CLEC9A: variants seen among roughly 807,000 people sequenced by gnomAD.
CLEC9A encodes the protein C-type lectin domain containing 9A.
In CLEC9A, 24 loss-of-function variants were observed where a neutral mutation model predicts 30.0. That is an observed-to-expected ratio of 0.80 (90% CI 0.58 to 1.13). The LOEUF (loss-of-function observed/expected upper bound fraction) is 1.13. Ranked by LOEUF, CLEC9A falls within the 50% of genes most tolerant of loss-of-function variation. CLEC9A has a pLI of 0.00. For missense variants in CLEC9A, 251 were observed against 280.9 expected (o/e 0.89, Z 0.76); for synonymous variants, 111 against 96.8 (o/e 1.15, Z -0.86).
intron 2 of CLEC9A, among the ~76,000 whole-genome samples, chr12:10,050,227 A>T (rs1284241688): frequency 6.6e-6 from 1 of 152,246 alleles, no homozygotes; most frequent in Non-Finnish European, 1.5e-5. Flanking sequence ...TAACAGTAAC[A>T]TCAAAGATCA....
Position 10,052,712 on chromosome 12 carries a change from T to C in CLEC9A, c.25T>C (p.Ser9Pro). The part of the protein sequence containing the change: MHEEEIYT[S>P]LQWDSPAPDT... The stretch of plus-strand genomic sequence containing the variant: ...CATGCACGAGGAAGAAATATACACC[T>C]CTCTTCAGTGGGATAGCCCAGCACC... The change falls in exon 4 of 9, where the codon TCT (serine) becomes CCT (proline). Residue 9 changes from serine to proline, a missense_variant. By Grantham distance (74) the Ser-to-Pro change is moderately conservative. Coordinates refer to ENST00000355819, the MANE Select transcript of CLEC9A (RefSeq NM_207345.4). The C allele has an allele frequency of 6.2e-7, 1 of 1,613,908 alleles. No individual in the cohort carries two copies.
At position 10,048,760 on chromosome 12, in the gene CLEC9A, T is replaced by C. The variant is rs1020652518; in HGVS notation, c.-162-3231T>C. Among the ~76,000 whole-genome samples, 10 of 152,304 alleles carry C rather than the reference T, an allele frequency of 6.6e-5. 1 individual carries two copies. The East Asian group carries it at 7.7e-4, about 12-fold the overall frequency. On this transcript the variant is annotated intron_variant, in intron 2 of 8. Coordinates refer to ENST00000355819, the MANE Select transcript of CLEC9A (RefSeq NM_207345.4). ...CTATTTCTAGCACATCTGCAGTTACTTCCGCCACTGAGGTCTTGAATCTCT... is the reference window on the plus strand; with the variant it reads ...CTATTTCTAGCACATCTGCAGTTACCTCCGCCACTGAGGTCTTGAATCTCT...
intron 1 of CLEC9A, chr12:10,040,858 G>A: frequency 5.1e-6 from 1 of 195,578 alleles, no homozygotes; most frequent in Non-Finnish European, 1.1e-5. Flanking sequence ...CTGTCATGCA[G>A]CAAAATTACC....
chr12:10,040,850 G>T, intron 1 of CLEC9A: 1 of 189,876 alleles, frequency 5.3e-6, no homozygotes, highest in South Asian at 8.8e-5. Context: ...ACATCTAGCT[G>T]TCATGCAGCA....
intron 1 of CLEC9A, among the ~76,000 whole-genome samples, chr12:10,035,413 T>G (rs1311986499): frequency 2.6e-5 from 4 of 152,342 alleles, no homozygotes; most frequent in African/African-American, 9.6e-5. Flanking sequence ...ATCACATATG[T>G]TCAAATAAAT....
At chr12:10,036,898 T>A (rs1386900651) in intron 1 of CLEC9A, among the ~76,000 whole-genome samples, 1 of 152,224 alleles carries the variant, frequency 6.6e-6, no homozygotes, top group African/African-American at 2.4e-5. Context: ...ATATATGCAT[T>A]CATTCATTCA....
intron 6 of CLEC9A, 48 bp downstream of exon 6, chr12:10,061,321 C>G: frequency 9.4e-6 from 14 of 1,482,048 alleles, no homozygotes; most frequent in Non-Finnish European, 1.3e-5. Flanking sequence ...AATATATACA[C>G]CAATACCTCA....
intron 1 of CLEC9A, among the ~76,000 whole-genome samples, chr12:10,039,120 A>G (rs5011267): frequency 0.058 from 7,879 of 136,036 alleles, 488 homozygotes; most frequent in African/African-American, 0.17. Context: ...TATGCCTACA[A>G]TTGGCCCTGC....
chr12:10,043,765 T>G (rs1865819881), intron 2 of CLEC9A, among the ~76,000 whole-genome samples: 1 of 151,896 alleles, frequency 6.6e-6, no homozygotes, highest in Non-Finnish European at 1.5e-5. Flanking sequence ...CAATGCAACC[T>G]CCACCTCCTG....
chr12:10,040,610 C>T (rs1157662869), intron 1 of CLEC9A, among the ~76,000 whole-genome samples: 1 of 151,922 alleles, frequency 6.6e-6, no homozygotes, highest in Non-Finnish European at 1.5e-5. Flanking sequence ...GCCACCACAC[C>T]CGGCTAATTT....
intron 5 of CLEC9A, among the ~76,000 whole-genome samples, chr12:10,054,755 A>G (rs1164309109): frequency 6.6e-6 from 1 of 152,244 alleles, no homozygotes; most frequent in African/African-American, 2.4e-5. Context: ...TAAAATGTTT[A>G]ATGCAAACCT....
intron 6 of CLEC9A, among the ~76,000 whole-genome samples, chr12:10,061,770 A>C (rs1300477302): frequency 6.6e-6 from 1 of 152,202 alleles, no homozygotes; most frequent in Non-Finnish European, 1.5e-5. Context: ...ACTGCAGTTT[A>C]ATCTTTTATA....
chr12:10,033,657 T>C (rs1002770607), intron 1 of CLEC9A, among the ~76,000 whole-genome samples: 5 of 152,156 alleles, frequency 3.3e-5, no homozygotes, highest in African/African-American at 1.2e-4. Flanking sequence ...CCTTGGAAAA[T>C]ATGGAAGCAC....
At chr12:10,034,770 G>A (rs754046425) in intron 1 of CLEC9A, among the ~76,000 whole-genome samples, 43 of 152,164 alleles carry the variant, frequency 2.8e-4, no homozygotes, top group Admixed American at 6.5e-4. Context: ...CCGGCCCCAC[G>A]GTAGTGTCTA....
chr12:10,050,963 G>C (rs1317935938), intron 2 of CLEC9A, among the ~76,000 whole-genome samples: 1 of 152,190 alleles, frequency 6.6e-6, no homozygotes, highest in Non-Finnish European at 1.5e-5. Context: ...CCAGCACTTT[G>C]GGAGGCCGAG....
At position 10,046,027 on chromosome 12, in the gene CLEC9A, G is replaced by A. The variant is rs117384842; in HGVS notation, c.-163+4407G>A. Among the ~76,000 whole-genome samples the A allele has an allele frequency of 2.1e-3, 314 of 152,294 alleles. 10 individuals carry two copies. The East Asian group carries it at 0.052, about 25-fold the overall frequency. ...GCAGAATATCTAAGTTTGAAAGATA[G>A]CGTGACGTAACAAAAAGAATACTAA... On this transcript the variant is annotated intron_variant, in intron 2 of 8. Transcript: ENST00000355819.
At chr12:10,044,487 G>C (rs1865828112) in intron 2 of CLEC9A, among the ~76,000 whole-genome samples, 1 of 151,978 alleles carries the variant, frequency 6.6e-6, no homozygotes, top group Non-Finnish European at 1.5e-5. Flanking sequence ...CAAATTAGTG[G>C]GGTTTTTTTT....
At chr12:10,055,510 T>C (rs1219536453) in intron 5 of CLEC9A, among the ~76,000 whole-genome samples, 1 of 152,226 alleles carries the variant, frequency 6.6e-6, no homozygotes, top group Non-Finnish European at 1.5e-5. Flanking sequence ...GTTAATTCTA[T>C]ATAATGAATT....
intron 6 of CLEC9A, among the ~76,000 whole-genome samples, chr12:10,061,645 T>A (rs970233164): frequency 6.6e-6 from 1 of 152,220 alleles, no homozygotes. Flanking sequence ...GATATTGTTT[T>A]AGATTCAAGT....
Sources: allele counts gnomAD v4.1 joint callset (sites outside exome capture counted in the v4.1 genomes callset), GRCh38; gene constraint gnomAD v4.1.1; transcripts MANE v1.5; gene names NCBI Gene and HGNC (gene_info 2026-07-23, HGNC 2026-07-21).